CFAP299: variants seen among roughly 807,000 people sequenced by gnomAD.
The protein encoded by CFAP299 is cilia- and flagella-associated protein 299.
A neutral mutation model predicts 27.0 loss-of-function variants in CFAP299; 21 were observed. The observed-to-expected ratio is 0.78, with a 90% CI of 0.55 to 1.12. The LOEUF (loss-of-function observed/expected upper bound fraction) is 1.12, where lower values mean the gene tolerates loss of function less well. Among genes scored for constraint, CFAP299 ranks in the 50% most tolerant of loss-of-function variants. The pLI, the probability that CFAP299 is intolerant of heterozygous loss-of-function variation, is 0.00. For missense variants in CFAP299, 310 were observed against 276.6 expected (o/e 1.12, Z -0.86); for synonymous variants, 104 against 98.1 (o/e 1.06, Z -0.36).
At chr4:80,845,558 C>T (rs950508836) in intron 3 of CFAP299, among the ~76,000 whole-genome samples, 1 of 152,124 alleles carries the variant, frequency 6.6e-6, no homozygotes, top group African/African-American at 2.4e-5. Context: ...TATTTCCTGC[C>T]TTAGGGCCAG....
At chr4:80,535,494 CAAAAAAAAAAAAA>C (rs143122836) in intron 2 of CFAP299, among the ~76,000 whole-genome samples, 4 of 33,280 alleles carry the variant, frequency 1.2e-4, no homozygotes, top group Admixed American at 1.2e-3. Context: ...GACTCCGTCT[CAAAAAAAAAAAAA>C]AAAAAAAAAA....
chr4:80,760,934 C>G (rs1725510943), intron 3 of CFAP299, among the ~76,000 whole-genome samples: 1 of 152,094 alleles, frequency 6.6e-6, no homozygotes, highest in Non-Finnish European at 1.5e-5. Flanking sequence ...GAGTGAGAGA[C>G]AGCATGTGTT....
chr4:80,632,933 GA>G (rs1739285943), intron 3 of CFAP299, among the ~76,000 whole-genome samples: 1 of 151,998 alleles, frequency 6.6e-6, no homozygotes, highest in Non-Finnish European at 1.5e-5. Flanking sequence ...TTATCATCCT[GA>G]AAATGCATAA....
chr4:80,506,078 G>T (rs781134095), intron 2 of CFAP299, among the ~76,000 whole-genome samples: 5 of 151,564 alleles, frequency 3.3e-5, no homozygotes, highest in Admixed American at 2.6e-4. Context: ...TGCTTATTTT[G>T]TCCCTTTTTT....
At chr4:80,434,847 TGGTATAATTGTCGGTTGTTATATCTTA>T (rs1727987217) in intron 2 of CFAP299, among the ~76,000 whole-genome samples, 1 of 152,216 alleles carries the variant, frequency 6.6e-6, no homozygotes. Context: ...GGCAAAGCAC[TGGTATAATTGTCGGTTGTTATATCTTA>T]GAAGGCACTC....
upstream of CFAP299, among the ~76,000 whole-genome samples, chr4:80,335,026 C>A (rs1722068929): frequency 6.6e-6 from 1 of 152,134 alleles, no homozygotes; most frequent in Non-Finnish European, 1.5e-5. Context: ...ACTTTAAATT[C>A]ATATTTTAAA....
intron 3 of CFAP299, among the ~76,000 whole-genome samples, chr4:80,669,214 G>T (rs909597817): frequency 8.8e-6 from 1 of 113,582 alleles, no homozygotes; most frequent in Non-Finnish European, 1.6e-5. Context: ...AGGCTGGAGT[G>T]CAATGGCATG....
At chr4:80,406,248 G>A (rs758956195) in intron 2 of CFAP299, among the ~76,000 whole-genome samples, 3 of 152,174 alleles carry the variant, frequency 2.0e-5, no homozygotes, top group Non-Finnish European at 4.4e-5. Flanking sequence ...AATGTCAAAG[G>A]CCTAGTTCAA....
chr4:80,664,221 T>G (rs1008146708), intron 3 of CFAP299, among the ~76,000 whole-genome samples: 1 of 152,028 alleles, frequency 6.6e-6, no homozygotes, highest in African/African-American at 2.4e-5. Context: ...CTGGAGGAGT[T>G]TTTTTATACC....
At chr4:80,489,303 G>T (rs34269363) in intron 2 of CFAP299, among the ~76,000 whole-genome samples, 52,605 of 151,932 alleles carry the variant, frequency 0.35, 10,928 homozygotes, top group African/African-American at 0.58. Context: ...AGCTTCTCAC[G>T]CATTACCTGA....
chr4:80,820,051 A>C (rs1729620928), intron 3 of CFAP299, among the ~76,000 whole-genome samples: 1 of 152,176 alleles, frequency 6.6e-6, no homozygotes, highest in Non-Finnish European at 1.5e-5. Flanking sequence ...ATAGTAAGAA[A>C]GCTTGAAACA....
At chr4:80,839,239 G>A (rs886565570) in intron 3 of CFAP299, among the ~76,000 whole-genome samples, 2 of 152,042 alleles carry the variant, frequency 1.3e-5, no homozygotes, top group Non-Finnish European at 2.9e-5. Context: ...TAACTGATGA[G>A]CAGTATCACA....
chr4:80,896,992 A>G (rs1408483557), intron 4 of CFAP299, among the ~76,000 whole-genome samples: 2 of 152,198 alleles, frequency 1.3e-5, no homozygotes, highest in Non-Finnish European at 2.9e-5. Context: ...TTTATCTTTG[A>G]AAAATGAATA....
chr4:80,885,921 C>T (rs1288958283), intron 4 of CFAP299, among the ~76,000 whole-genome samples: 1 of 152,160 alleles, frequency 6.6e-6, no homozygotes, highest in African/African-American at 2.4e-5. Flanking sequence ...GAGTCCAGGC[C>T]TATCCTCTTG....
chr4:80,468,352 T>A (rs1578479100), intron 2 of CFAP299, among the ~76,000 whole-genome samples: 1 of 151,460 alleles, frequency 6.6e-6, no homozygotes, highest in Admixed American at 6.6e-5. Flanking sequence ...GCCTCCCGAG[T>A]AGCTGGAATT....
intron 5 of CFAP299, among the ~76,000 whole-genome samples, chr4:80,952,965 G>C (rs978217312): frequency 2.6e-5 from 4 of 152,016 alleles, no homozygotes; most frequent in Non-Finnish European, 5.9e-5. Flanking sequence ...ACATTTCTAC[G>C]TCCTATATGC....
At chr4:80,751,007 C>G (rs1261129550) in intron 3 of CFAP299, among the ~76,000 whole-genome samples, 1 of 152,166 alleles carries the variant, frequency 6.6e-6, no homozygotes, top group Non-Finnish European at 1.5e-5. Context: ...CTTCTGAAAC[C>G]TACTTTTCTC....
chr4:80,734,200 C>A (rs1159979458), intron 3 of CFAP299, among the ~76,000 whole-genome samples: 1 of 152,116 alleles, frequency 6.6e-6, no homozygotes, highest in Non-Finnish European at 1.5e-5. Flanking sequence ...TTTTGATTTG[C>A]ATTTCTCTGA....
chr4:80,410,430 G>A (rs972381616), intron 2 of CFAP299, among the ~76,000 whole-genome samples: 2 of 152,106 alleles, frequency 1.3e-5, no homozygotes, highest in Admixed American at 6.6e-5. Flanking sequence ...TTTCACCCTG[G>A]TGGGAGTTGC....
Sources: gnomAD v4.1 joint callset for allele counts (sites outside exome capture counted in the v4.1 genomes callset) on GRCh38, gnomAD v4.1.1 for gene constraint, MANE v1.5 for transcripts, NCBI Gene and HGNC (gene_info 2026-07-23, HGNC 2026-07-21) for gene names.